The following TTC6 variants were observed in gnomAD, a reference collection of about 807,000 sequenced individuals.
TTC6 encodes tetratricopeptide repeat domain 6.
A neutral mutation model predicts 210.4 loss-of-function variants in TTC6; 172 were observed. The ratio of observed to expected loss-of-function variants is 0.82; its 90% CI spans 0.72 to 0.93. The LOEUF (loss-of-function observed/expected upper bound fraction) is 0.93, where lower values mean the gene tolerates loss of function less well. Among genes scored for constraint, TTC6 ranks in the 40% least tolerant of loss-of-function variants. The probability of loss-of-function intolerance (pLI) is 0.00; values close to 1 mark genes in which losing one functional copy is unlikely to be tolerated. For missense variants in TTC6, 2,414 were observed against 2,318.1 expected (o/e 1.04, Z -0.85); for synonymous variants, 804 against 819.6 (o/e 0.98, Z 0.32).
intron 1 of TTC6, among the ~76,000 whole-genome samples, chr14:37,635,966 G>A (rs1469430121): frequency 2.6e-5 from 2 of 77,494 alleles, no homozygotes; most frequent in Non-Finnish European, 4.8e-5. Flanking sequence ...GGCAACAAGA[G>A]CAAAATTCCA....
intron 26 of TTC6, among the ~76,000 whole-genome samples, chr14:37,821,275 G>A (rs2096156431): frequency 6.6e-6 from 1 of 151,908 alleles, no homozygotes; most frequent in Non-Finnish European, 1.5e-5. Context: ...CACCATGTTG[G>A]GCAAGCTGGT....
exon 17 of TTC6, chr14:37,792,399 G>A (rs182879842): frequency 1.2e-4 from 178 of 1,506,802 alleles, no homozygotes; most frequent in Middle Eastern, 1.7e-4. Flanking sequence ...TTTGTCGGGC[G>A]GAAACCTATT....
intron 1 of TTC6, among the ~76,000 whole-genome samples, chr14:37,627,859 G>C (rs2139325080): frequency 6.6e-6 from 1 of 152,290 alleles, no homozygotes; most frequent in Middle Eastern, 3.4e-3. Context: ...AGATCCTTGA[G>C]GAATTGCCAC....
chr14:37,721,847 C>CAT (rs35265224), intron 6 of TTC6, among the ~76,000 whole-genome samples: 3,986 of 117,142 alleles, frequency 0.034, 144 homozygotes, highest in Middle Eastern at 0.15. Context: ...TGAGTTTCAC[C>CAT]ATATATATAT....
chr14:37,764,543 A>C (rs1595219694), intron 14 of TTC6, among the ~76,000 whole-genome samples: 2 of 152,040 alleles, frequency 1.3e-5, no homozygotes, highest in African/African-American at 2.4e-5. Flanking sequence ...CCTTGTATTA[A>C]TTATTGCCTT....
intron 14 of TTC6, among the ~76,000 whole-genome samples, chr14:37,756,159 A>G (rs965360377): frequency 1.3e-5 from 2 of 152,156 alleles, no homozygotes; most frequent in Non-Finnish European, 2.9e-5. Context: ...TTCGTCTATT[A>G]TTGGTGTATA....
chr14:37,741,932 A>C (rs924315437), intron 10 of TTC6, among the ~76,000 whole-genome samples: 4 of 152,138 alleles, frequency 2.6e-5, no homozygotes, highest in Non-Finnish European at 4.4e-5. Flanking sequence ...CTCTGAGCTC[A>C]GTGTTGACAG....
At chr14:37,637,564 G>T (rs570921768) in intron 1 of TTC6, among the ~76,000 whole-genome samples, 1 of 152,132 alleles carries the variant, frequency 6.6e-6, no homozygotes, top group South Asian at 2.1e-4. Context: ...GAACCAAAGA[G>T]TTTCAGGTTA....
intron 24 of TTC6, among the ~76,000 whole-genome samples, chr14:37,811,206 G>A (rs181287814): frequency 1.6e-4 from 25 of 152,240 alleles, no homozygotes; most frequent in African/African-American, 5.3e-4. Context: ...AGTGGATCTC[G>A]AAGGCATCAT....
chr14:37,732,574 C>G lies in TTC6; in HGVS notation c.1819-3347C>G, dbSNP rs184895836. 9.2e-5 allele frequency among the ~76,000 whole-genome samples: 14 copies of G among 151,934 alleles called. No individual in the cohort carries two copies. The East Asian group carries it at 1.9e-3, about 21-fold the overall frequency. On this transcript the variant is annotated intron_variant, in intron 7 of 30. Transcript: ENST00000553443. ...GAAGAGAAAATATACTTACTATTAA[C>G]TAAGTGGAAGTAGACGATCATAAAG...
At chr14:37,599,253 C>T (rs1245396041) in intron 1 of TTC6, among the ~76,000 whole-genome samples, 2 of 152,170 alleles carry the variant, frequency 1.3e-5, no homozygotes, top group East Asian at 3.9e-4. Flanking sequence ...ATTTTTCTTC[C>T]TCATCTTCCT....
chr14:37,625,055 T>C (rs926227974), intron 1 of TTC6, among the ~76,000 whole-genome samples: 1 of 152,164 alleles, frequency 6.6e-6, no homozygotes, highest in Non-Finnish European at 1.5e-5. Context: ...TGCCTCTCAT[T>C]ATCTTGATTT....
chr14:37,792,416 T>C lies in TTC6; in HGVS notation c.3708+2T>C. ...TGTCGGGCGGAAACCTATTTTAAGG[T>C]ATTTAAGGCTCGAGAACCTTGATTT... is the stretch of plus-strand genomic sequence containing the variant. On this transcript the variant is annotated splice_donor_variant, in intron 17 of 30. Transcript: ENST00000553443. LOFTEE classifies it high-confidence loss of function. 6.8e-7 allele frequency: 1 copy of C among 1,481,304 alleles called. No homozygotes were observed. The highest frequency in any genetic ancestry group is 1.4e-5 in the South Asian group (1 of 73,084). 91.8% of individuals were successfully genotyped at this position (1,481,304 alleles called of 1,614,324 possible).
At chr14:37,607,986 T>G (rs2095628172) in intron 2 of TTC6, among the ~76,000 whole-genome samples, 1 of 152,210 alleles carries the variant, frequency 6.6e-6, no homozygotes, top group Admixed American at 6.5e-5. Context: ...TTGCATAACA[T>G]TGTTTTAATT....
At chr14:37,606,134 G>A (rs1406445023) in intron 1 of TTC6, among the ~76,000 whole-genome samples, 2 of 152,122 alleles carry the variant, frequency 1.3e-5, no homozygotes, top group African/African-American at 2.4e-5. Flanking sequence ...GGGTGAGCAG[G>A]TGCTTGAAGA....
At chr14:37,732,173 CTTTTTTTTTT>C (rs61444309) in intron 7 of TTC6, among the ~76,000 whole-genome samples, 1 of 57,588 alleles carries the variant, frequency 1.7e-5, no homozygotes, top group Non-Finnish European at 3.0e-5. Flanking sequence ...GTACTGTATT[CTTTTTTTTTT>C]TTTTTTTTTT....
chr14:37,596,362 C>T (rs1418693073), intron 1 of TTC6, among the ~76,000 whole-genome samples: 1 of 152,276 alleles, frequency 6.6e-6, no homozygotes, highest in Non-Finnish European at 1.5e-5. Flanking sequence ...GGCAGAAGCC[C>T]GAGACTGCCC....
intron 1 of TTC6, among the ~76,000 whole-genome samples, chr14:37,663,486 CA>C (rs2095741554): frequency 6.6e-6 from 1 of 152,208 alleles, no homozygotes; most frequent in South Asian, 2.1e-4. Flanking sequence ...TGCACAGTTA[CA>C]TTTTTTTAAA....
chr14:37,828,377 C>T (rs947533526), intron 29 of TTC6, among the ~76,000 whole-genome samples: 11 of 151,788 alleles, frequency 7.2e-5, no homozygotes, highest in Admixed American at 3.3e-4. Context: ...TATTTTCACC[C>T]TTTCATTTAT....
Sources: gnomAD v4.1 joint callset for allele counts (sites outside exome capture counted in the v4.1 genomes callset) on GRCh38, gnomAD v4.1.1 for gene constraint, MANE v1.5 for transcripts, NCBI Gene and HGNC (gene_info 2026-07-23, HGNC 2026-07-21) for gene names.